The following COL13A1 variants were observed in gnomAD, a reference collection of about 807,000 sequenced individuals.
The protein encoded by COL13A1 is collagen type XIII alpha 1 chain.
A neutral mutation model predicts 130.9 loss-of-function variants in COL13A1; 89 were observed. The ratio of observed to expected loss-of-function variants is 0.68; its 90% confidence interval spans 0.57 to 0.81. COL13A1 has a LOEUF of 0.81. COL13A1 is among the 30% of genes least tolerant of loss of function. COL13A1 has a pLI of 0.00. For synonymous variants in COL13A1, 402 were observed against 341.6 expected (o/e 1.18, Z -1.95); for missense variants, 879 against 934.6 (o/e 0.94, Z 0.78).
At chr10:69,937,321 G>A (rs574079803) in intron 33 of COL13A1, among the ~76,000 whole-genome samples, 1 of 152,332 alleles carries the variant, frequency 6.6e-6, no homozygotes, top group African/African-American at 2.4e-5. Flanking sequence ...TCAGGCATCT[G>A]AGCAAATCTC....
Position 69,890,921 on chromosome 10 carries a change from A to G in COL13A1, c.603+1481A>G, listed in dbSNP as rs373410128. 1.1e-3 allele frequency among the ~76,000 whole-genome samples: 161 copies of G among 152,378 alleles called. 3 individuals are homozygous for G. In the South Asian group the frequency reaches 0.018, roughly 17 times the overall value. On this transcript the variant is annotated intron_variant, in intron 10 of 40. Coordinates refer to ENST00000645393, the MANE Select transcript of COL13A1 (RefSeq NM_001368882.1). The stretch of plus-strand genomic sequence containing the variant: ...GAAGTCACACAGCTGAATGTCCAAA[A>G]CAAGATCGAAACACAGTTCTCAAAT...
chr10:69,806,365 G>A (rs1433688563), intron 1 of COL13A1, among the ~76,000 whole-genome samples: 1 of 152,212 alleles, frequency 6.6e-6, no homozygotes. Context: ...GAGCTGCAGG[G>A]AGGGCCGGCC....
chr10:69,947,971 A>G (rs978642037), intron 38 of COL13A1, among the ~76,000 whole-genome samples: 8 of 152,202 alleles, frequency 5.3e-5, no homozygotes, highest in Non-Finnish European at 1.0e-4. Context: ...CACCGACCAC[A>G]GCCTTCAGCA....
At chr10:69,943,895 G>A (rs2068042886) in intron 35 of COL13A1, among the ~76,000 whole-genome samples, 1 of 152,210 alleles carries the variant, frequency 6.6e-6, no homozygotes, top group African/African-American at 2.4e-5. Context: ...GAAGCAAAAG[G>A]GTTTCAGTCC....
intron 6 of COL13A1, 143 bp downstream of exon 6, chr10:69,878,208 G>A: frequency 1.6e-6 from 1 of 631,246 alleles, no homozygotes; most frequent in Non-Finnish European, 2.9e-6. Context: ...GCCTCTCACG[G>A]CCCCGTTTCC....
intron 17 of COL13A1, among the ~76,000 whole-genome samples, chr10:69,910,632 G>A (rs1358872678): frequency 6.6e-6 from 1 of 152,212 alleles, no homozygotes. Flanking sequence ...CCCCAGTCAG[G>A]GCCAGCCCTC....
chr10:69,894,718 T>C lies in COL13A1; in HGVS notation c.657+17T>C. On this transcript the variant is annotated intron_variant, in intron 12 of 40. Transcript: ENST00000645393. Reference sequence around the variant, plus strand: ...GGAGAAAAGGTAAGAGCAGTGGAGGTTTCCTAGAGTCTCCATCTCAGGAAA... The same window carrying C: ...GGAGAAAAGGTAAGAGCAGTGGAGGCTTCCTAGAGTCTCCATCTCAGGAAA... 1.2e-6 allele frequency: 2 copies of C among 1,613,462 alleles called. No individual in the cohort carries two copies. The highest frequency in any genetic ancestry group is 1.7e-6 in the Non-Finnish European group (2 of 1,179,754).
At chr10:69,927,148 AC>A (rs1361899199) in intron 27 of COL13A1, 38 bp downstream of exon 27, 23 of 1,597,616 alleles carry the variant, frequency 1.4e-5, no homozygotes, top group Middle Eastern at 1.7e-4. Context: ...TGGGCACTGG[AC>A]GGGGGGGCTG....
intron 2 of COL13A1, among the ~76,000 whole-genome samples, chr10:69,855,009 G>C (rs1286698747): frequency 6.6e-6 from 1 of 152,214 alleles, no homozygotes; most frequent in Admixed American, 6.5e-5. Context: ...CAGTCTCATA[G>C]ACCCAGGCAA....
At chr10:69,951,162 T>C (rs910803505) in intron 38 of COL13A1, among the ~76,000 whole-genome samples, 1 of 151,960 alleles carries the variant, frequency 6.6e-6, no homozygotes, top group Non-Finnish European at 1.5e-5. Flanking sequence ...AATATTCTTA[T>C]CCTCTGCCTT....
intron 7 of COL13A1, among the ~76,000 whole-genome samples, chr10:69,883,371 A>C (rs1198155170): frequency 6.6e-6 from 1 of 152,128 alleles, no homozygotes; most frequent in African/African-American, 2.4e-5. Context: ...GGGCGAGGAG[A>C]TATCTGAACT....
intron 7 of COL13A1, among the ~76,000 whole-genome samples, chr10:69,880,846 G>T (rs989337161): frequency 6.6e-6 from 1 of 152,248 alleles, no homozygotes; most frequent in African/African-American, 2.4e-5. Context: ...CAGACAGAAG[G>T]GAGAAAGGGC....
At chr10:69,824,143 T>C (rs1415372501) in intron 2 of COL13A1, 1 of 472,294 alleles carries the variant, frequency 2.1e-6, no homozygotes, top group Admixed American at 2.3e-5. Context: ...CTCAGTTGCC[T>C]TGTCTGAAAA....
intron 23 of COL13A1, 91 bp from the exon 24 acceptor site, chr10:69,923,711 C>G (rs1194078137): frequency 1.0e-5 from 15 of 1,502,760 alleles, no homozygotes; most frequent in Non-Finnish European, 1.4e-5. Flanking sequence ...AAGGCAACAT[C>G]TAGGCATGAG....
intron 1 of COL13A1, among the ~76,000 whole-genome samples, chr10:69,804,247 G>A (rs1475626380): frequency 6.6e-6 from 1 of 151,462 alleles, no homozygotes; most frequent in African/African-American, 2.4e-5. Flanking sequence ...GGTCCTGGCT[G>A]CTGAGGGATA....
chr10:69,841,261 T>C (rs1271179707), intron 2 of COL13A1, among the ~76,000 whole-genome samples: 2 of 151,666 alleles, frequency 1.3e-5, no homozygotes, highest in South Asian at 4.2e-4. Flanking sequence ...CATCCCTGAT[T>C]CCCACCCCTG....
Position 69,922,702 on chromosome 10 carries a change from C to A in COL13A1, c.1144-6C>A. ...CAGGGATGCTAACTCCACCTTCCAC[C>A]CCCAGGGAGAGAAAGGCGATGCTGG... is the stretch of plus-strand genomic sequence containing the variant. On this transcript the variant is annotated splice_polypyrimidine_tract_variant and splice_region_variant and intron_variant, in intron 22 of 40. Transcript: ENST00000645393. 1 of 1,600,680 alleles carries A rather than the reference C, an allele frequency of 6.2e-7. No individual in the cohort carries two copies. The highest frequency in any genetic ancestry group is 2.3e-5 in the East Asian group (1 of 44,414).
chr10:69,864,340 A>G (rs1032046324), intron 2 of COL13A1, among the ~76,000 whole-genome samples: 17 of 152,194 alleles, frequency 1.1e-4, no homozygotes, highest in African/African-American at 4.1e-4. Flanking sequence ...GAAGGAATGA[A>G]AAAATGAATC....
In COL13A1 at chr10:69,877,572, C is replaced by A. The variant is rs577139532; in HGVS notation, c.436-467C>A. On this transcript the variant is annotated intron_variant, in intron 5 of 40. Transcript: ENST00000645393. ...CTCAGAGTGTCCTGGCCAGCTGGGG[C>A]CATGGCTTCTGGGGAGGATTTCCTG... 2.8e-4 allele frequency: 48 copies of A among 170,310 alleles called. No homozygotes were observed. The South Asian group carries it at 5.9e-3, about 21-fold the overall frequency. 10.5% of individuals were successfully genotyped at this position (170,310 alleles called of 1,614,324 possible). A position where few individuals can be genotyped will look rare whatever the true frequency, so the allele number is the denominator to read the frequency against.
Sources: gnomAD v4.1 joint callset for allele counts (sites outside exome capture counted in the v4.1 genomes callset) on GRCh38, gnomAD v4.1.1 for gene constraint, MANE v1.5 for transcripts, NCBI Gene and HGNC (gene_info 2026-07-23, HGNC 2026-07-21) for gene names.